The following STON1 variants were observed in gnomAD, a reference collection of about 807,000 sequenced individuals.
STON1 encodes the protein stonin 1, also known as stonin-1.
A neutral mutation model predicts 60.9 loss-of-function variants in STON1; 79 were observed. The ratio of observed to expected loss-of-function variants is 1.30; its 90% CI spans 1.08 to 1.56. The LOEUF is 1.56. STON1 is among the 40% of genes most tolerant of loss of function. The pLI is 0.00. For missense variants in STON1, 1,166 were observed against 858.9 expected, an observed-to-expected ratio of 1.36 and a Z score of -4.47; for synonymous variants, 363 against 306.9, an observed-to-expected ratio of 1.18 and a Z score of -1.91.
chr2:48,531,253 C>T (rs143794715), intron 1 of STON1: 14 of 152,288 alleles, frequency 9.2e-5, no homozygotes, highest in Non-Finnish European at 1.9e-4. Flanking sequence ...GCCTGGCATT[C>T]CCGTCTGCAT....
chr2:48,587,538 A>C (rs1378195923), intron 2 of STON1, among the ~76,000 whole-genome samples: 2 of 152,064 alleles, frequency 1.3e-5, no homozygotes, highest in East Asian at 1.9e-4. Flanking sequence ...TGACCTGCCC[A>C]GTTTGGCCTC....
At chr2:48,564,480 TTTCTTCTTC>T (rs869188236) in intron 1 of STON1, among the ~76,000 whole-genome samples, 57 of 32,474 alleles carry the variant, frequency 1.8e-3, no homozygotes, top group Admixed American at 3.2e-3. Context: ...CTTCTTCTTC[TTTCTTCTTC>T]TTCTTCTTCT....
chr2:48,578,258 G>T (rs2103900510), intron 1 of STON1, among the ~76,000 whole-genome samples: 1 of 152,294 alleles, frequency 6.6e-6, no homozygotes, highest in Non-Finnish European at 1.5e-5. Flanking sequence ...GATTACAGGT[G>T]TGAGCCACTG....
intron 1 of STON1, among the ~76,000 whole-genome samples, chr2:48,578,020 G>A (rs530680813): frequency 1.3e-5 from 2 of 151,790 alleles, no homozygotes; most frequent in African/African-American, 2.4e-5. Flanking sequence ...TTGCTCTGTC[G>A]CCCAGGCTGA....
intron 1 of STON1, among the ~76,000 whole-genome samples, chr2:48,574,872 C>T (rs911410283): frequency 6.6e-6 from 1 of 152,206 alleles, no homozygotes; most frequent in African/African-American, 2.4e-5. Context: ...GTAAATGAAA[C>T]TACACAACAG....
chr2:48,553,400 C>G (rs767361648), intron 1 of STON1, among the ~76,000 whole-genome samples: 4 of 149,360 alleles, frequency 2.7e-5, no homozygotes, highest in African/African-American at 4.9e-5. Flanking sequence ...CCATCCCGTC[C>G]CATCCCCTCC....
chr2:48,538,870 G>T (rs993058984), intron 1 of STON1, among the ~76,000 whole-genome samples: 2 of 151,070 alleles, frequency 1.3e-5, no homozygotes, highest in African/African-American at 2.4e-5. Context: ...CGCCTGCCGC[G>T]GCCTCCCAAA....
intron 1 of STON1, among the ~76,000 whole-genome samples, chr2:48,558,547 C>G (rs990546883): frequency 1.3e-5 from 2 of 152,230 alleles, no homozygotes; most frequent in Admixed American, 6.5e-5. Context: ...GAGAAGAGAT[C>G]TGCCATAGCT....
chr2:48,570,742 C>T (rs1258691136), intron 1 of STON1, among the ~76,000 whole-genome samples: 1 of 151,676 alleles, frequency 6.6e-6, no homozygotes, highest in Non-Finnish European at 1.5e-5. Context: ...TCCTAGAAAC[C>T]TTCGAAACTC....
intron 2 of STON1, among the ~76,000 whole-genome samples, chr2:48,583,167 C>T (rs1673998384): frequency 6.6e-6 from 1 of 152,256 alleles, no homozygotes; most frequent in Non-Finnish European, 1.5e-5. Context: ...CGGCTCACTG[C>T]AGCCTCCACT....
Position 48,557,234 on chromosome 2 carries a change from C to T in STON1, c.-47-23353C>T, listed in dbSNP as rs1471213484. 3.0e-5 allele frequency among the ~76,000 whole-genome samples: 2 copies of T among 66,154 alleles called. 1 individual carries two copies. Among genetic ancestry groups the T allele is most frequent in the Non-Finnish European group, 6.2e-5 (2 of 32,518 alleles). 43.4% of individuals were successfully genotyped at this position (66,154 alleles called of 152,430 possible). A position where few individuals can be genotyped will look rare whatever the true frequency, so the allele number is the denominator to read the frequency against. On this transcript the variant is annotated intron_variant, in intron 1 of 3. Transcript: ENST00000404752. ...CTTCTCAGACGGGGTGGTTGCCAGGCAGAGGGTCTCCTCACTTCTCAGACG... is the reference window on the plus strand; with the variant it reads ...CTTCTCAGACGGGGTGGTTGCCAGGTAGAGGGTCTCCTCACTTCTCAGACG...
rs1258701725 is a variant in STON1, at chr2:48,582,080, C to T, written c.1447C>T (p.Leu483Phe). 1.9e-6 allele frequency: 3 copies of T among 1,614,150 alleles called. No homozygotes were observed. The highest frequency in any genetic ancestry group is 3.3e-4 in the Middle Eastern group (2 of 6,062). ...KDSEKKGIDI[L>F]DYHFHKCVNV... ...CTCAGAAAAAAAGGGGATTGATATT[C>T]TTGACTACCATTTTCATAAGTGTGT... Residue 483 changes from leucine (L) to phenylalanine (F), a missense_variant, in exon 2 of 4, where the codon CTT becomes TTT. Transcript: ENST00000404752.
At chr2:48,570,414 A>G (rs200434090) in intron 1 of STON1, among the ~76,000 whole-genome samples, 70 of 152,232 alleles carry the variant, frequency 4.6e-4, no homozygotes, top group African/African-American at 1.7e-3. Context: ...TGCAAGTGCA[A>G]CCTTTGTTCG....
intron 1 of STON1, among the ~76,000 whole-genome samples, chr2:48,580,207 T>C (rs1204205960): frequency 1.3e-5 from 2 of 152,152 alleles, no homozygotes; most frequent in Admixed American, 1.3e-4. Context: ...CATTCCCAGC[T>C]GGGTTAATAT....
In STON1 at chr2:48,573,286, C is replaced by G. The variant is rs142788421; in HGVS notation, c.-47-7301C>G. Among the ~76,000 whole-genome samples, 692 of 152,248 alleles carry G rather than the reference C, an allele frequency of 4.5e-3. 7 individuals are homozygous for G. The highest frequency in any genetic ancestry group is 0.016 in the African/African-American group (648 of 41,530). On this transcript the variant is annotated intron_variant, in intron 1 of 3. Transcript: ENST00000404752. Reference sequence around the variant, plus strand: ...GCTGAGGCAGGAGGATCACTTCAGCCCAGGAATTTGAGACCAGCCTTGGAA... The same window carrying G: ...GCTGAGGCAGGAGGATCACTTCAGCGCAGGAATTTGAGACCAGCCTTGGAA...
chr2:48,567,694 C>T (rs1307374472), intron 1 of STON1, among the ~76,000 whole-genome samples: 2 of 152,222 alleles, frequency 1.3e-5, no homozygotes, highest in Non-Finnish European at 2.9e-5. Context: ...TGAGCCACTG[C>T]ACCTGGCCAG....
chr2:48,543,141 A>AT, intron 1 of STON1, among the ~76,000 whole-genome samples: 1 of 151,760 alleles, frequency 6.6e-6, no homozygotes, highest in Admixed American at 6.6e-5. Flanking sequence ...TGCCCAGCTA[A>AT]TTTTTGTATT....
At chr2:48,574,942 A>G (rs1286691419) in intron 1 of STON1, among the ~76,000 whole-genome samples, 1 of 152,234 alleles carries the variant, frequency 6.6e-6, no homozygotes. Flanking sequence ...CGATATGCAC[A>G]TTGTTGTACA....
intron 3 of STON1, among the ~76,000 whole-genome samples, chr2:48,593,486 C>T (rs1436427540): frequency 6.6e-6 from 1 of 152,236 alleles, no homozygotes; most frequent in Non-Finnish European, 1.5e-5. Flanking sequence ...ACAGGTGGTT[C>T]AGTTTAGAAT....
Sources: allele counts gnomAD v4.1 joint callset (sites outside exome capture counted in the v4.1 genomes callset), GRCh38; gene constraint gnomAD v4.1.1; transcripts MANE v1.5; gene names NCBI Gene and HGNC (gene_info 2026-07-23, HGNC 2026-07-21).